The following CNOT2 variants were observed in gnomAD, a reference collection of about 807,000 sequenced individuals.
CNOT2 encodes CCR4-NOT transcription complex subunit 2.
In CNOT2, 7 loss-of-function variants were observed where a neutral mutation model predicts 72.1. That is an observed-to-expected ratio of 0.10 (90% CI 0.06 to 0.18). CNOT2 has a LOEUF of 0.18. CNOT2 is among the 10% of genes least tolerant of loss of function. The pLI, the probability that CNOT2 is intolerant of heterozygous loss-of-function variation, is 1.00. For missense variants in CNOT2, 345 were observed against 660.3 expected (o/e 0.52, Z 5.23); for synonymous variants, 196 against 225.6 (o/e 0.87, Z 1.17).
intron 6 of CNOT2, 63 bp downstream of exon 6, chr12:70,330,532 A>G (rs1879770372): frequency 3.4e-6 from 4 of 1,168,052 alleles, no homozygotes; most frequent in South Asian, 3.3e-5. Flanking sequence ...TTGCCTTTTC[A>G]TATTTTCACT....
At chr12:70,294,699 T>C (rs866721226) in intron 2 of CNOT2, among the ~76,000 whole-genome samples, 1 of 152,184 alleles carries the variant, frequency 6.6e-6, no homozygotes, top group Non-Finnish European at 1.5e-5. Flanking sequence ...GAGGCAAGTT[T>C]TAGTTTTCTT....
chr12:70,252,479 T>G (rs1352908998), intron 1 of CNOT2, among the ~76,000 whole-genome samples: 1 of 152,172 alleles, frequency 6.6e-6, no homozygotes, highest in East Asian at 1.9e-4. Flanking sequence ...AAATTATTGC[T>G]TTTATTGTAT....
intron 2 of CNOT2, among the ~76,000 whole-genome samples, chr12:70,285,222 T>TTTTTG (rs1565767586): frequency 4.0e-5 from 6 of 150,460 alleles, no homozygotes; most frequent in Non-Finnish European, 7.4e-5. Flanking sequence ...TTTTGTTTTT[T>TTTTTG]TTTTTTAGAC....
chr12:70,308,320 A>G (rs1039031742), intron 2 of CNOT2, among the ~76,000 whole-genome samples: 3 of 152,052 alleles, frequency 2.0e-5, no homozygotes, highest in Non-Finnish European at 2.9e-5. Flanking sequence ...TGATTTTGCC[A>G]TGGATTAGAA....
At chr12:70,279,122 A>C (rs1565759604) in intron 2 of CNOT2, among the ~76,000 whole-genome samples, 1 of 151,998 alleles carries the variant, frequency 6.6e-6, no homozygotes, top group Non-Finnish European at 1.5e-5. Flanking sequence ...ACTTCCTTTC[A>C]CTCATCAGTT....
intron 3 of CNOT2, among the ~76,000 whole-genome samples, chr12:70,315,819 T>TA (rs1330424260): frequency 6.6e-6 from 1 of 152,206 alleles, no homozygotes; most frequent in African/African-American, 2.4e-5. Flanking sequence ...TTGCCACTCT[T>TA]AAGAGCACAA....
At chr12:70,306,141 T>C (rs1247745996) in intron 2 of CNOT2, among the ~76,000 whole-genome samples, 1 of 152,108 alleles carries the variant, frequency 6.6e-6, no homozygotes, top group Non-Finnish European at 1.5e-5. Flanking sequence ...TACTTATCTC[T>C]GTATTTTTAA....
chr12:70,337,090 C>A (rs762645516), intron 8 of CNOT2: 2 of 190,122 alleles, frequency 1.1e-5, no homozygotes, highest in Non-Finnish European at 2.2e-5. Context: ...ATAAAACAAG[C>A]TTTTAAACCA....
At chr12:70,322,429 T>G (rs1384877118) in intron 4 of CNOT2, 1 of 151,798 alleles carries the variant, frequency 6.6e-6, no homozygotes, top group African/African-American at 2.4e-5. Flanking sequence ...GGTTGATAGT[T>G]GCATTTACCT....
chr12:70,286,078 GAA>G (rs1307842530), intron 2 of CNOT2, among the ~76,000 whole-genome samples: 1 of 136,948 alleles, frequency 7.3e-6, no homozygotes, highest in Non-Finnish European at 1.6e-5. Context: ...GAGGGGAGCA[GAA>G]CCAGGAAATC....
chr12:70,353,766 G>GT, intron 15 of CNOT2, 63 bp from the exon 16 acceptor site: 1 of 1,588,826 alleles, frequency 6.3e-7, no homozygotes. Flanking sequence ...ATAGTAAAAT[G>GT]TATTTTGACA....
At chr12:70,307,097 C>G (rs768251918) in intron 2 of CNOT2, among the ~76,000 whole-genome samples, 2 of 152,084 alleles carry the variant, frequency 1.3e-5, no homozygotes, top group Non-Finnish European at 2.9e-5. Context: ...CTGGGTAATT[C>G]AGTAAGTGGT....
At chr12:70,346,791 T>G (rs773343352) in intron 15 of CNOT2, among the ~76,000 whole-genome samples, 3 of 152,208 alleles carry the variant, frequency 2.0e-5, no homozygotes, top group Non-Finnish European at 4.4e-5. Context: ...CTATGACTAT[T>G]TCTGTGACTA....
At chr12:70,249,070 T>G (rs142293759) in intron 1 of CNOT2, among the ~76,000 whole-genome samples, 2 of 152,192 alleles carry the variant, frequency 1.3e-5, no homozygotes, top group Non-Finnish European at 2.9e-5. Context: ...AGCTCCAGTT[T>G]GTATTAGCAT....
intron 2 of CNOT2, among the ~76,000 whole-genome samples, chr12:70,291,936 C>CA (rs1871983962): frequency 6.6e-6 from 1 of 151,854 alleles, no homozygotes; most frequent in Non-Finnish European, 1.5e-5. Flanking sequence ...GACTCCGTCT[C>CA]AAAAAAACAA....
chr12:70,354,040 G>A lies in CNOT2; in HGVS notation c.*125G>A. On this transcript the variant is annotated 3_prime_UTR_variant, in exon 16 of 16. Transcript: ENST00000229195. The stretch of plus-strand genomic sequence containing the variant: ...CCTGGTTTTAATTCCTTGAGGATCT[G>A]GCAATTGGCTTACGCAAAAGGTCAC... 7.0e-7 allele frequency: 1 copy of A among 1,422,712 alleles called. No individual in the cohort carries two copies. The highest frequency in any genetic ancestry group is 9.2e-7 in the Non-Finnish European group (1 of 1,086,358). 88.1% of individuals were successfully genotyped at this position (1,422,712 alleles called of 1,614,324 possible). A position where few individuals can be genotyped will look rare whatever the true frequency, so the allele number is the denominator to read the frequency against.
intron 11 of CNOT2, among the ~76,000 whole-genome samples, chr12:70,339,955 G>C (rs760160858): frequency 5.3e-5 from 8 of 152,152 alleles, no homozygotes; most frequent in Non-Finnish European, 1.2e-4. Context: ...TTCACACTTT[G>C]TTGGGTCATT....
intron 15 of CNOT2, among the ~76,000 whole-genome samples, chr12:70,352,623 A>T (rs79150850): frequency 6.6e-6 from 1 of 152,230 alleles, no homozygotes; most frequent in Admixed American, 6.5e-5. Context: ...TCTTTAATAC[A>T]TAATACATAT....
intron 2 of CNOT2, among the ~76,000 whole-genome samples, chr12:70,278,987 C>T (rs1410933214): frequency 1.3e-5 from 2 of 152,136 alleles, no homozygotes; most frequent in Non-Finnish European, 2.9e-5. Flanking sequence ...ATCCTTTATT[C>T]ATTTGATAGT....
Sources: gnomAD v4.1 joint callset for allele counts (sites outside exome capture counted in the v4.1 genomes callset) on GRCh38, gnomAD v4.1.1 for gene constraint, MANE v1.5 for transcripts, NCBI Gene and HGNC (gene_info 2026-07-23, HGNC 2026-07-21) for gene names.